CBLB: variants seen among roughly 807,000 people sequenced by gnomAD.
The protein encoded by CBLB is Cbl proto-oncogene B, also known as E3 ubiquitin-protein ligase CBL-B.
In CBLB, 31 loss-of-function variants were observed where a neutral mutation model predicts 104.9. That is an observed-to-expected ratio of 0.30 (90% confidence interval 0.22 to 0.40). CBLB has a LOEUF of 0.40. CBLB is among the 10% of genes least tolerant of loss of function. The pLI is 1.00. For synonymous variants in CBLB, 440 were observed against 422.6 expected (o/e 1.04, Z -0.51); for missense variants, 1,062 against 1,214.6 (o/e 0.87, Z 1.87).
chr3:105,865,197 A>G (rs928555186), intron 2 of CBLB, among the ~76,000 whole-genome samples: 1 of 152,194 alleles, frequency 6.6e-6, no homozygotes, highest in African/African-American at 2.4e-5. Flanking sequence ...AAAGATAAAC[A>G]AAAGAGGGGG....
At chr3:105,755,409 G>A (rs2076999151) in intron 4 of CBLB, among the ~76,000 whole-genome samples, 1 of 152,028 alleles carries the variant, frequency 6.6e-6, no homozygotes, top group Non-Finnish European at 1.5e-5. Flanking sequence ...TGTAAATGTG[G>A]AGAAGTGTAT....
At chr3:105,733,317 A>ACTGCACTCCAG (rs2074543118) in intron 9 of CBLB, among the ~76,000 whole-genome samples, 1 of 151,664 alleles carries the variant, frequency 6.6e-6, no homozygotes, top group Non-Finnish European at 1.5e-5. Context: ...AGATCGTGCC[A>ACTGCACTCCAG]CTGCACTCCA....
rs772749489 is a variant in CBLB at position 105,702,451 on chromosome 3, A to C, written c.1602T>G (p.Pro534=). Residue 534 remains proline, a synonymous_variant, in exon 12 of 19, where the codon CCT becomes CCG. Transcript: ENST00000394030. ...GTTTATCTTGTTTTCTCACCATGCA[A>C]GGAGAAGACTAAAGAAACAGAAGAG... ...GSPTGSPKSS[P]CMVRKQDKPL... 3.1e-6 allele frequency: 3 copies of C among 954,072 alleles called. No individual in the cohort carries two copies. In the East Asian group the frequency reaches 8.9e-5, roughly 28 times the overall value. 59.1% of individuals were successfully genotyped at this position (954,072 alleles called of 1,614,324 possible). A position where few individuals can be genotyped will look rare whatever the true frequency, so the allele number is the denominator to read the frequency against.
At position 105,868,789 on chromosome 3, in the gene CBLB, A is replaced by C; in HGVS notation, c.-68T>G. ...CGCGTGTGCGCGGGTCCCACTCCAC[A>C]CGCACGCAGCCCAGTGTGTGTGGGG... On this transcript the variant is annotated 5_prime_UTR_variant, in exon 1 of 19. Coordinates refer to ENST00000394030, the MANE Select transcript of CBLB (RefSeq NM_170662.5). 2.0e-6 allele frequency: 2 copies of C among 988,374 alleles called. No homozygotes were observed. The highest frequency in any genetic ancestry group is 2.4e-6 in the Non-Finnish European group (2 of 832,028). The allele number at this position is 988,374 out of a possible 1,614,324, so 61.2% of individuals were successfully genotyped here.
chr3:105,748,008 T>C (rs2152900137), intron 5 of CBLB, among the ~76,000 whole-genome samples: 1 of 152,340 alleles, frequency 6.6e-6, no homozygotes, highest in South Asian at 2.1e-4. Flanking sequence ...TTTCCTTGTA[T>C]GCAGCCCATT....
chr3:105,840,551 T>G (rs559301439), intron 3 of CBLB, among the ~76,000 whole-genome samples: 2 of 152,272 alleles, frequency 1.3e-5, no homozygotes, highest in Admixed American at 1.3e-4. Context: ...TCTGATACCC[T>G]TCATATGCCA....
chr3:105,851,023 C>T (rs1366693204), intron 3 of CBLB, among the ~76,000 whole-genome samples: 1 of 152,106 alleles, frequency 6.6e-6, no homozygotes, highest in Non-Finnish European at 1.5e-5. Context: ...AGCAATCTTG[C>T]TAGGTATTTT....
intron 9 of CBLB, among the ~76,000 whole-genome samples, chr3:105,731,141 A>G (rs2074267818): frequency 6.6e-6 from 1 of 152,192 alleles, no homozygotes; most frequent in African/African-American, 2.4e-5. Flanking sequence ...ACAGTAACAC[A>G]TAGACATGTT....
At chr3:105,735,318 G>A (rs1576719735) in intron 8 of CBLB, among the ~76,000 whole-genome samples, 1 of 152,022 alleles carries the variant, frequency 6.6e-6, no homozygotes, top group Non-Finnish European at 1.5e-5. Context: ...GCATAAAAAT[G>A]GAGAAGAAAT....
At chr3:105,732,937 A>G (rs1377011547) in intron 9 of CBLB, among the ~76,000 whole-genome samples, 1 of 152,216 alleles carries the variant, frequency 6.6e-6, no homozygotes, top group East Asian at 1.9e-4. Flanking sequence ...TATACTTCTA[A>G]CTTCAATATA....
Position 105,751,388 on chromosome 3 carries a change from G to C in CBLB, c.723+74C>G, listed in dbSNP as rs563123082. On this transcript the variant is annotated intron_variant, in intron 5 of 18. Coordinates refer to ENST00000394030, the MANE Select transcript of CBLB (RefSeq NM_170662.5). ...TGTGTGTGTGTGAGAGAGAGACAGA[G>C]AGAGAGAGAAACAGAGAGAAAAGAC... 8.8e-6 allele frequency: 9 copies of C among 1,026,334 alleles called. No individual in the cohort carries two copies. In the African/African-American group the frequency reaches 9.5e-5, roughly 11 times the overall value. 63.6% of individuals were successfully genotyped at this position (1,026,334 alleles called of 1,614,324 possible).
intron 3 of CBLB, among the ~76,000 whole-genome samples, chr3:105,788,585 T>A (rs1158270453): frequency 6.6e-6 from 1 of 152,192 alleles, no homozygotes; most frequent in Non-Finnish European, 1.5e-5. Flanking sequence ...CTAGATGACC[T>A]CGGACACTGA....
intron 3 of CBLB, among the ~76,000 whole-genome samples, chr3:105,818,661 C>T (rs1020703472): frequency 1.3e-5 from 2 of 152,004 alleles, no homozygotes; most frequent in African/African-American, 2.4e-5. Context: ...GAATCTAATG[C>T]AAATGCTGTT....
chr3:105,703,259 AT>A (rs1483075478), intron 11 of CBLB, among the ~76,000 whole-genome samples: 2 of 152,210 alleles, frequency 1.3e-5, no homozygotes, highest in African/African-American at 4.8e-5. Context: ...TATTCTAATA[AT>A]GTGTGATCTT....
intron 3 of CBLB, among the ~76,000 whole-genome samples, chr3:105,825,985 A>AT (rs5851475): frequency 0.92 from 139,529 of 152,138 alleles, 64,233 homozygotes; most frequent in Non-Finnish European, 0.96. Context: ...GAATTAGTAG[A>AT]TTAAATTCTT....
intron 18 of CBLB, among the ~76,000 whole-genome samples, chr3:105,666,756 C>T (rs2064515946): frequency 6.6e-6 from 1 of 152,110 alleles, no homozygotes; most frequent in African/African-American, 2.4e-5. Context: ...AAAATCTTCA[C>T]ATACACTGTT....
intron 4 of CBLB, among the ~76,000 whole-genome samples, chr3:105,759,004 A>G (rs1250084268): frequency 1.3e-5 from 2 of 152,166 alleles, no homozygotes; most frequent in African/African-American, 2.4e-5. Context: ...CTGTTTTTTC[A>G]GTCCTGCCAT....
rs781629333 is a variant in CBLB, at chr3:105,659,226, C to A, written c.2693G>T (p.Gly898Val). 8.1e-6 allele frequency: 13 copies of A among 1,613,734 alleles called. No individual in the cohort carries two copies. In the East Asian group the frequency reaches 1.1e-4, roughly 14 times the overall value. The change falls in exon 19 of 19, where the codon GGT (glycine) becomes GTT (valine). Residue 898 changes from glycine (G) to valine (V), a missense_variant. Gly to Val is a moderately radical substitution (Grantham distance 109, BLOSUM62 -3). Coordinates refer to ENST00000394030, the MANE Select transcript of CBLB (RefSeq NM_170662.5). ...AGGGGGTCTGGCTGGTGCCTGTGAA[C>A]CATCTGTGTAGATTTTTAAAGAGAG... ...DYDQLPSCSD[G>V]SQAPARPPKP...
At chr3:105,760,896 T>C (rs922224071) in intron 4 of CBLB, among the ~76,000 whole-genome samples, 2 of 152,188 alleles carry the variant, frequency 1.3e-5, no homozygotes, top group Non-Finnish European at 2.9e-5. Context: ...AACAAATCTA[T>C]ACAAGAAAAA....
Sources: allele counts gnomAD v4.1 joint callset (sites outside exome capture counted in the v4.1 genomes callset), GRCh38; gene constraint gnomAD v4.1.1; transcripts MANE v1.5; gene names NCBI Gene and HGNC (gene_info 2026-07-23, HGNC 2026-07-21).